PPFIA2: variants seen among roughly 807,000 people sequenced by gnomAD.
PPFIA2 encodes liprin-alpha-2.
PPFIA2 carries 46 observed loss-of-function variants against 175.5 expected under a neutral mutation model. That is an observed-to-expected ratio of 0.26 (90% CI 0.21 to 0.34). The LOEUF (loss-of-function observed/expected upper bound fraction) is 0.34, where lower values mean the gene tolerates loss of function less well. Ranked by LOEUF, PPFIA2 falls within the 10% of genes least tolerant of loss-of-function variation. The probability of loss-of-function intolerance (pLI) is 1.00; values close to 1 mark genes in which losing one functional copy is unlikely to be tolerated. For synonymous variants in PPFIA2, 568 were observed against 511.4 expected (o/e 1.11, Z -1.49); for missense variants, 1,179 against 1,506.1 (o/e 0.78, Z 3.60).
At chr12:81,372,392 G>A (rs991135299) in intron 11 of PPFIA2, among the ~76,000 whole-genome samples, 2 of 151,002 alleles carry the variant, frequency 1.3e-5, no homozygotes, top group Admixed American at 6.6e-5. Context: ...AATATAGGAG[G>A]AGGAACCCAT....
At chr12:81,438,762 G>A (rs1033996306) in intron 7 of PPFIA2, among the ~76,000 whole-genome samples, 1 of 152,010 alleles carries the variant, frequency 6.6e-6, no homozygotes, top group Admixed American at 6.6e-5. Context: ...GATCAAAGCA[G>A]GTTATTTGGA....
rs1019325340 is a variant in PPFIA2 at position 81,689,484 on chromosome 12, G to T, written c.250-12640C>A. 3.9e-5 allele frequency among the ~76,000 whole-genome samples: 6 copies of T among 152,050 alleles called. No individual in the cohort carries two copies. The South Asian group carries it at 1.0e-3, about 26-fold the overall frequency. ...CTATTGAATGGAAATGTAACTGACT[G>T]ATATCAGAGCATAAAATGCATTGAT... On this transcript the variant is annotated intron_variant, in intron 3 of 32. Coordinates refer to ENST00000549396, the MANE Select transcript of PPFIA2 (RefSeq NM_003625.5).
At chr12:81,352,710 T>G (rs938564808) in intron 17 of PPFIA2, among the ~76,000 whole-genome samples, 1 of 152,172 alleles carries the variant, frequency 6.6e-6, no homozygotes, top group African/African-American at 2.4e-5. Context: ...ATTTGCATAC[T>G]ATTTGGTACC....
At chr12:81,314,375 G>C (rs1475300605) in intron 22 of PPFIA2, among the ~76,000 whole-genome samples, 1 of 151,912 alleles carries the variant, frequency 6.6e-6, no homozygotes, top group Non-Finnish European at 1.5e-5. Context: ...TCAAGGCTAT[G>C]TTAATAGTAA....
chr12:81,334,028 T>A (rs2056650225), intron 21 of PPFIA2, among the ~76,000 whole-genome samples: 1 of 152,212 alleles, frequency 6.6e-6, no homozygotes, highest in Admixed American at 6.5e-5. Context: ...TCACCACCTT[T>A]CATTATCTGT....
At chr12:81,608,819 T>C (rs1007263920) in intron 4 of PPFIA2, among the ~76,000 whole-genome samples, 1 of 152,012 alleles carries the variant, frequency 6.6e-6, no homozygotes, top group African/African-American at 2.4e-5. Flanking sequence ...TATTTCTTTA[T>C]GTCTGCTAGT....
intron 4 of PPFIA2, among the ~76,000 whole-genome samples, chr12:81,648,032 A>T (rs1431545469): frequency 6.7e-6 from 1 of 150,006 alleles, no homozygotes. Flanking sequence ...GAACTCTATA[A>T]ATATAGAATA....
chr12:81,507,421 T>C (rs2061295918), intron 4 of PPFIA2, among the ~76,000 whole-genome samples: 2 of 152,320 alleles, frequency 1.3e-5, no homozygotes, highest in East Asian at 1.9e-4. Context: ...AACATAATTA[T>C]TATTAAAATG....
chr12:81,306,172 C>T (rs2049094143), intron 22 of PPFIA2, among the ~76,000 whole-genome samples: 1 of 151,874 alleles, frequency 6.6e-6, no homozygotes, highest in East Asian at 1.9e-4. Context: ...CAGTTTTTTT[C>T]TCAGCCTTTA....
intron 4 of PPFIA2, among the ~76,000 whole-genome samples, chr12:81,569,565 G>A (rs1187271471): frequency 6.6e-6 from 1 of 152,020 alleles, no homozygotes. Context: ...TGCATTCATT[G>A]AAAAACATTT....
intron 4 of PPFIA2, among the ~76,000 whole-genome samples, chr12:81,638,135 C>T (rs1314551470): frequency 4.6e-5 from 7 of 152,084 alleles, no homozygotes; most frequent in Admixed American, 1.3e-4. Flanking sequence ...TCATCTCATC[C>T]TTTTCCCATT....
chr12:81,362,651 G>A, intron 15 of PPFIA2, 42 bp downstream of exon 15: 1 of 1,332,294 alleles, frequency 7.5e-7, no homozygotes, highest in African/African-American at 1.5e-5. Flanking sequence ...AATTCATGTT[G>A]ATTTTCAGTG....
intron 4 of PPFIA2, among the ~76,000 whole-genome samples, chr12:81,593,313 CAT>C (rs2058887188): frequency 6.6e-6 from 1 of 152,226 alleles, no homozygotes; most frequent in East Asian, 1.9e-4. Context: ...CTTGGTCACT[CAT>C]GTATCTGTTA....
chr12:81,650,499 C>A (rs1596005432), intron 4 of PPFIA2, among the ~76,000 whole-genome samples: 1 of 151,888 alleles, frequency 6.6e-6, no homozygotes, highest in Admixed American at 6.6e-5. Flanking sequence ...TGCATAAGAG[C>A]AAATCTACCA....
At chr12:81,390,101 G>A (rs939831739) in intron 8 of PPFIA2, among the ~76,000 whole-genome samples, 7 of 152,118 alleles carry the variant, frequency 4.6e-5, no homozygotes, top group African/African-American at 9.6e-5. Flanking sequence ...TTCAAGTACC[G>A]TAGCATGTTA....
chr12:81,348,866 T>C (rs1247762435), intron 17 of PPFIA2, among the ~76,000 whole-genome samples: 1 of 152,198 alleles, frequency 6.6e-6, no homozygotes, highest in Non-Finnish European at 1.5e-5. Flanking sequence ...TGTACCAGTA[T>C]AGTTTGATAA....
At chr12:81,535,704 A>C (rs1393738371) in intron 4 of PPFIA2, among the ~76,000 whole-genome samples, 1 of 151,682 alleles carries the variant, frequency 6.6e-6, no homozygotes, top group Non-Finnish European at 1.5e-5. Context: ...GATCTCTTTT[A>C]TGACACGTGT....
At chr12:81,434,354 T>C (rs1006377512) in intron 7 of PPFIA2, among the ~76,000 whole-genome samples, 1 of 152,072 alleles carries the variant, frequency 6.6e-6, no homozygotes, top group African/African-American at 2.4e-5. Context: ...ATCATTATAA[T>C]TGGGGCTTCA....
intron 7 of PPFIA2, 141 bp from the exon 8 acceptor site, chr12:81,406,044 T>G (rs930832734): frequency 3.8e-6 from 2 of 526,682 alleles, no homozygotes; most frequent in Admixed American, 3.8e-5. Context: ...TACTGAATTA[T>G]TATTCAAAAT....
Sources: allele counts gnomAD v4.1 joint callset (sites outside exome capture counted in the v4.1 genomes callset), GRCh38; gene constraint gnomAD v4.1.1; transcripts MANE v1.5; gene names NCBI Gene and HGNC (gene_info 2026-07-23, HGNC 2026-07-21).